Variants in DPYSL2 observed in about 807,000 individuals in gnomAD.
DPYSL2 encodes the protein dihydropyrimidinase like 2.
DPYSL2 carries 13 observed loss-of-function variants against 69.9 expected under a neutral mutation model. The observed-to-expected ratio is 0.19, with a 90% CI of 0.12 to 0.30. DPYSL2 has a LOEUF of 0.30. Ranked by LOEUF, DPYSL2 falls within the 10% of genes least tolerant of loss-of-function variation. The probability of loss-of-function intolerance (pLI) is 1.00; values close to 1 mark genes in which losing one functional copy is unlikely to be tolerated. For missense variants in DPYSL2, 587 were observed against 918.9 expected (o/e 0.64, Z 4.67); for synonymous variants, 326 against 359.1 (o/e 0.91, Z 1.04).
At chr8:26,615,137 G>A (rs1317362660) in intron 3 of DPYSL2, among the ~76,000 whole-genome samples, 2 of 152,102 alleles carry the variant, frequency 1.3e-5, no homozygotes, top group Non-Finnish European at 2.9e-5. Flanking sequence ...TAATGTGAGC[G>A]GATTACTTAA....
chr8:26,567,363 T>C (rs1801169416), intron 1 of DPYSL2, among the ~76,000 whole-genome samples: 1 of 151,626 alleles, frequency 6.6e-6, no homozygotes, highest in South Asian at 2.1e-4. Flanking sequence ...TGCCCATCCA[T>C]CCATCCATCT....
At chr8:26,563,354 T>A (rs1801102666) in intron 1 of DPYSL2, among the ~76,000 whole-genome samples, 1 of 152,202 alleles carries the variant, frequency 6.6e-6, no homozygotes, top group Non-Finnish European at 1.5e-5. Flanking sequence ...CTCATCTTTG[T>A]CCAAAGACTA....
rs770871703 is a variant in DPYSL2, at chr8:26,598,964, G to C, written c.628+14981G>C. 8.5e-5 allele frequency among the ~76,000 whole-genome samples: 13 copies of C among 152,152 alleles called. No individual in the cohort carries two copies. Among genetic ancestry groups the C allele is most frequent in the Admixed American group, 5.2e-4 (8 of 15,276 alleles). On this transcript the variant is annotated intron_variant, in intron 3 of 13. Coordinates refer to ENST00000521913, the MANE Select transcript of DPYSL2 (RefSeq NM_001197293.3). This position sits in a 1 kb window ranked among gnomAD's most constrained non-coding sequence, Gnocchi z 4.2. ...ATGTGCGTTTGGCTCACACCCAGCG[G>C]GAGTGCCCTTCTTGTGAAGGAAGCT...
chr8:26,618,831 G>A (rs571333451), intron 3 of DPYSL2, among the ~76,000 whole-genome samples: 8 of 150,868 alleles, frequency 5.3e-5, no homozygotes, highest in South Asian at 2.1e-4. Context: ...GATGGCGCGC[G>A]CCTGTGATCC....
Position 26,642,057 on chromosome 8 carries a change from G to C in DPYSL2, c.1127-1382G>C, listed in dbSNP as rs1228386116. Among the ~76,000 whole-genome samples, 2 of 152,232 alleles carry C rather than the reference G, an allele frequency of 1.3e-5. No homozygotes were observed. Among genetic ancestry groups the C allele is most frequent in the African/African-American group, 4.8e-5 (2 of 41,458 alleles). ...AAGCTTGGCTGCATTGTTGTGGGGT[G>C]GGAGTTAGCCCTGTGCTGGGGGGAG... On this transcript the variant is annotated intron_variant, in intron 8 of 13. Coordinates refer to ENST00000521913, the MANE Select transcript of DPYSL2 (RefSeq NM_001197293.3). This position sits in a 1 kb window ranked among gnomAD's most constrained non-coding sequence, Gnocchi z 5.3.
rs1803124938 is a variant in DPYSL2 at position 26,644,766 on chromosome 8, T to C, written c.1425+675T>C. ...ACTCTTGGAAATGGGCTCAATTTCCTTAAAAGTGTCTTTTAGGGCTCTCTG... is the reference window on the plus strand; with the variant it reads ...ACTCTTGGAAATGGGCTCAATTTCCCTAAAAGTGTCTTTTAGGGCTCTCTG... On this transcript the variant is annotated intron_variant, in intron 10 of 13. Transcript: ENST00000521913. The surrounding 1 kb of genome is among the most constrained non-coding windows in gnomAD (Gnocchi z 4.5). Among the ~76,000 whole-genome samples the C allele has an allele frequency of 6.6e-6, 1 of 152,168 alleles. No individual in the cohort carries two copies. The highest frequency in any genetic ancestry group is 2.1e-4 in the South Asian group (1 of 4,826).
chr8:26,556,584 T>C (rs1186480227), intron 1 of DPYSL2, among the ~76,000 whole-genome samples: 1 of 150,994 alleles, frequency 6.6e-6, no homozygotes, highest in African/African-American at 2.4e-5. Flanking sequence ...TACTATTGTG[T>C]ACAAAAAATA....
Position 26,626,763 on chromosome 8 carries a change from A to G in DPYSL2, c.855+85A>G, listed in dbSNP as rs766891580. 51 of 1,385,198 alleles carry G rather than the reference A, an allele frequency of 3.7e-5. No individual in the cohort carries two copies. In the Middle Eastern group the frequency reaches 8.9e-4, roughly 24 times the overall value. 85.8% of individuals were successfully genotyped at this position (1,385,198 alleles called of 1,614,324 possible). A position where few individuals can be genotyped will look rare whatever the true frequency, so the allele number is the denominator to read the frequency against. ...CGTTTGGGAAAGCAGTCTCCGATGT[A>G]TGCATGTTTCCTAGCTTCCTGGGAA... On this transcript the variant is annotated intron_variant, in intron 5 of 13. Transcript: ENST00000521913. The surrounding 1 kb of genome is among the most constrained non-coding windows in gnomAD (Gnocchi z 4.3).
At chr8:26,639,958 C>G (rs1436691585) in intron 8 of DPYSL2, among the ~76,000 whole-genome samples, 1 of 152,192 alleles carries the variant, frequency 6.6e-6, no homozygotes. Context: ...CCTGACAGCA[C>G]AGTCCCCAGG....
In DPYSL2 at chr8:26,587,079, A is replaced by C. The variant is rs996039104; in HGVS notation, c.628+3096A>C. ...AATAATACAGGTGAGGAACTGAGGA[A>C]TTTTTATCCTTTTTCTGTTTGCTGA... On this transcript the variant is annotated intron_variant, in intron 3 of 13. Coordinates refer to ENST00000521913, the MANE Select transcript of DPYSL2 (RefSeq NM_001197293.3). This position sits in a 1 kb window ranked among gnomAD's most constrained non-coding sequence, Gnocchi z 4.2. Among the ~76,000 whole-genome samples the C allele has an allele frequency of 3.3e-5, 5 of 152,164 alleles. No individual in the cohort carries two copies. Among genetic ancestry groups the C allele is most frequent in the Non-Finnish European group, 4.4e-5 (3 of 68,034 alleles).
chr8:26,586,097 C>T lies in DPYSL2; in HGVS notation c.628+2114C>T, dbSNP rs547997411. On this transcript the variant is annotated intron_variant, in intron 3 of 13. Coordinates refer to ENST00000521913, the MANE Select transcript of DPYSL2 (RefSeq NM_001197293.3). This position sits in a 1 kb window ranked among gnomAD's most constrained non-coding sequence, Gnocchi z 4.7. ...TATCCTGAGCAATAGAGTGAGACTC[C>T]GTCTCAAAAAAAAACAAACAAAAAA... is the stretch of plus-strand genomic sequence containing the variant. Among the ~76,000 whole-genome samples the T allele has an allele frequency of 4.9e-4, 74 of 150,254 alleles. 1 individual carries two copies. The South Asian group carries it at 6.3e-3, about 13-fold the overall frequency.
At chr8:26,584,191 A>G (rs968843458) in intron 3 of DPYSL2, among the ~76,000 whole-genome samples, 3 of 152,128 alleles carry the variant, frequency 2.0e-5, no homozygotes, top group African/African-American at 7.2e-5. Context: ...TGAACTAGAG[A>G]ATATGGTTCT....
Position 26,609,273 on chromosome 8 carries a change from A to G in DPYSL2, c.629-14870A>G, listed in dbSNP as rs896441586. Among the ~76,000 whole-genome samples, 10 of 150,954 alleles carry G rather than the reference A, an allele frequency of 6.6e-5. No individual in the cohort carries two copies. Among genetic ancestry groups the G allele is most frequent in the South Asian group, 2.1e-4 (1 of 4,764 alleles). ...TGTGTGTAGAACTCAGTAAGAAGTA[A>G]TCATGACCCTGTCCGTTCATTTGCT... is the stretch of plus-strand genomic sequence containing the variant. On this transcript the variant is annotated intron_variant, in intron 3 of 13. Transcript: ENST00000521913. This position sits in a 1 kb window ranked among gnomAD's most constrained non-coding sequence, Gnocchi z 6.5.
Position 26,650,908 on chromosome 8 carries a change from C to T in DPYSL2, c.1597-1349C>T, listed in dbSNP as rs770634368. On this transcript the variant is annotated intron_variant, in intron 11 of 13. Transcript: ENST00000521913. This position sits in a 1 kb window ranked among gnomAD's most constrained non-coding sequence, Gnocchi z 5.3. The stretch of plus-strand genomic sequence containing the variant: ...CAAGCTGAGAATTTACTGTAAAATG[C>T]CCTCAGTGGGGTTGTCCCCCAACCC... Among the ~76,000 whole-genome samples the T allele has an allele frequency of 6.6e-6, 1 of 152,190 alleles. No homozygotes were observed. Among genetic ancestry groups the T allele is most frequent in the Admixed American group, 6.5e-5 (1 of 15,290 alleles).
rs747393640 is a variant in DPYSL2 at position 26,565,901 on chromosome 8, G to A, written c.355-16068G>A. ...TTGGAGAAAAAGCCTGGAGGAGGAA[G>A]AGGGAATTGTCTATGTCCTAGGCCT... On this transcript the variant is annotated intron_variant, in intron 1 of 13. Transcript: ENST00000521913. This position sits in a 1 kb window ranked among gnomAD's most constrained non-coding sequence, Gnocchi z 4.1. 6.6e-6 allele frequency among the ~76,000 whole-genome samples: 1 copy of A among 152,208 alleles called. No homozygotes were observed. Among genetic ancestry groups the A allele is most frequent in the Non-Finnish European group, 1.5e-5 (1 of 68,046 alleles).
chr8:26,535,637 T>TATATATA (rs199796205), intron 1 of DPYSL2, among the ~76,000 whole-genome samples: 57 of 144,204 alleles, frequency 4.0e-4, no homozygotes, highest in Non-Finnish European at 6.3e-4. Context: ...ATATATATAT[T>TATATATA]TTTTTTTTCA....
intron 1 of DPYSL2, among the ~76,000 whole-genome samples, chr8:26,515,092 C>A (rs1808255494): frequency 6.6e-6 from 1 of 152,180 alleles, no homozygotes; most frequent in African/African-American, 2.4e-5. Context: ...GGAGGCTTTG[C>A]GTGAAGGCCC....
intron 1 of DPYSL2, among the ~76,000 whole-genome samples, chr8:26,539,629 T>C (rs1223855365): frequency 6.6e-6 from 1 of 152,168 alleles, no homozygotes; most frequent in East Asian, 1.9e-4. Flanking sequence ...AACCTCTGCC[T>C]CCTGGGTTCA....
rs1801536659 is a variant in DPYSL2 at position 26,583,698 on chromosome 8, A to G, written c.444-101A>G. 5 of 1,104,242 alleles carry G rather than the reference A, an allele frequency of 4.5e-6. No individual in the cohort carries two copies. The Admixed American group carries it at 1.0e-4, about 22-fold the overall frequency. 68.4% of individuals were successfully genotyped at this position (1,104,242 alleles called of 1,614,324 possible). A position where few individuals can be genotyped will look rare whatever the true frequency, so the allele number is the denominator to read the frequency against. Reference sequence around the variant, plus strand: ...AACAATGATCTGAAAAGCCCACGGCACAGAGCGGAGGATAGTTTATAGGTT... The same window carrying G: ...AACAATGATCTGAAAAGCCCACGGCGCAGAGCGGAGGATAGTTTATAGGTT... On this transcript the variant is annotated intron_variant, in intron 2 of 13. Coordinates refer to ENST00000521913, the MANE Select transcript of DPYSL2 (RefSeq NM_001197293.3).
Sources: allele counts gnomAD v4.1 joint callset (sites outside exome capture counted in the v4.1 genomes callset), GRCh38; gene constraint gnomAD v4.1.1; non-coding constraint Gnocchi (gnomAD v3.1); transcripts MANE v1.5; gene names NCBI Gene and HGNC (gene_info 2026-07-23, HGNC 2026-07-21).